ATXN7L3B: variants seen among roughly 807,000 people sequenced by gnomAD.
ATXN7L3B encodes the protein ataxin-7-like protein 3B.
A neutral mutation model predicts 6.3 loss-of-function variants in ATXN7L3B; 4 were observed. The ratio of observed to expected loss-of-function variants is 0.63; its 90% CI spans 0.31 to 1.45. The LOEUF (loss-of-function observed/expected upper bound fraction) is 1.45. Ranked by LOEUF, ATXN7L3B falls within the 40% of genes most tolerant of loss-of-function variation. The pLI, the probability that ATXN7L3B is intolerant of heterozygous loss-of-function variation, is 0.07. For missense variants in ATXN7L3B, 120 were observed against 118.5 expected (o/e 1.01, Z -0.06); for synonymous variants, 63 against 48.0 (o/e 1.31, Z -1.29).
At position 74,538,326 on chromosome 12, in the gene ATXN7L3B, C is replaced by T; in HGVS notation, c.214C>T (p.Leu72Phe). 1 of 1,552,942 alleles carries T rather than the reference C, an allele frequency of 6.4e-7. No homozygotes were observed. Among genetic ancestry groups the T allele is most frequent in the Non-Finnish European group, 8.7e-7 (1 of 1,147,670 alleles). The change falls in exon 1 of 1, where the codon CTC becomes TTC. Residue 72 changes from leucine (L) to phenylalanine (F), a missense_variant. Physicochemically the swap from Leu to Phe is conservative, Grantham distance 22 (BLOSUM62 0). Coordinates refer to ENST00000519948, the MANE Select transcript of ATXN7L3B (RefSeq NM_001136262.2). ...QPVEDKGACR[L>F]PLCSLPGEPG... Reference sequence around the variant, plus strand: ...AGTGGAAGACAAAGGAGCGTGCCGCCTCCCGCTTTGCTCCCTTCCCGGAGA... The same window carrying T: ...AGTGGAAGACAAAGGAGCGTGCCGCTTCCCGCTTTGCTCCCTTCCCGGAGA...
Position 74,537,982 on chromosome 12 carries a change from G to A in ATXN7L3B, c.-131G>A. 1 of 767,242 alleles carries A rather than the reference G, an allele frequency of 1.3e-6. No individual in the cohort carries two copies. The highest frequency in any genetic ancestry group is 2.1e-6 in the Non-Finnish European group (1 of 481,114). The allele number at this position is 767,242 out of a possible 1,614,324, so 47.5% of individuals were successfully genotyped here. A position where few individuals can be genotyped will look rare whatever the true frequency, so the allele number is the denominator to read the frequency against. ...CCCTATCGCTGCTCCTGCAGTTGCG[G>A]ACGCCACCGACCCCGCCGCCGGAGG... is the stretch of plus-strand genomic sequence containing the variant. On this transcript the variant is annotated 5_prime_UTR_variant, in exon 1 of 1. Coordinates refer to ENST00000519948, the MANE Select transcript of ATXN7L3B (RefSeq NM_001136262.2).
rs1294058380 is a variant in ATXN7L3B, at chr12:74,538,546, C to CT, written c.*140_*141insT. 1 of 805,162 alleles carries CT rather than the reference C, an allele frequency of 1.2e-6. No homozygotes were observed. Among genetic ancestry groups the CT allele is most frequent in the East Asian group, 2.7e-5 (1 of 37,322 alleles). 49.9% of individuals were successfully genotyped at this position (805,162 alleles called of 1,614,324 possible). ...CCTTGAAGATCCTAGCATTTAAAAA[C>CT]CCAAAGTGGATAATTTAGGAATCCT... On this transcript the variant is annotated 3_prime_UTR_variant, in exon 1 of 1. Coordinates refer to ENST00000519948, the MANE Select transcript of ATXN7L3B (RefSeq NM_001136262.2).
In ATXN7L3B at chr12:74,537,886, C is replaced by G; in HGVS notation, c.-227C>G. On this transcript the variant is annotated 5_prime_UTR_variant, in exon 1 of 1. Coordinates refer to ENST00000519948, the MANE Select transcript of ATXN7L3B (RefSeq NM_001136262.2). ...GTTTGGCGGTGAGTCCTGGGCCAGG[C>G]GCAGCTGAAAGGCCCGCAACCCGGG... 1 of 555,014 alleles carries G rather than the reference C, an allele frequency of 1.8e-6. No homozygotes were observed. The highest frequency in any genetic ancestry group is 2.1e-5 in the South Asian group (1 of 48,164). 34.4% of individuals were successfully genotyped at this position (555,014 alleles called of 1,614,324 possible).
chr12:74,538,148 C>T lies in ATXN7L3B; in HGVS notation c.36C>T (p.Asn12=), dbSNP rs780471674. The change falls in exon 1 of 1, where the codon AAC becomes AAT. Residue 12 remains asparagine, a synonymous_variant. Coordinates refer to ENST00000519948, the MANE Select transcript of ATXN7L3B (RefSeq NM_001136262.2). ...EEISLANLDT[N]KLEAIAQEIY... ...TTTCGTTGGCCAACCTGGATACTAA[C>T]AAGCTAGAGGCCATCGCTCAGGAGA... is the stretch of plus-strand genomic sequence containing the variant. 1 of 1,573,348 alleles carries T rather than the reference C, an allele frequency of 6.4e-7. No homozygotes were observed. The highest frequency in any genetic ancestry group is 1.2e-5 in the South Asian group (1 of 85,476).
rs1868907460 is a variant in ATXN7L3B, at chr12:74,541,849, T to C, written c.*3443T>C. ...AGGTAAAGTGATTCACAGCAGACGA[T>C]GGTTCTGCCTAATTTTTTTCTCAAT... On this transcript the variant is annotated 3_prime_UTR_variant, in exon 1 of 1. Transcript: ENST00000519948. The C allele has an allele frequency of 6.6e-6, 1 of 152,228 alleles. No individual in the cohort carries two copies. Among genetic ancestry groups the C allele is most frequent in the Admixed American group, 6.5e-5 (1 of 15,282 alleles). 9.4% of individuals were successfully genotyped at this position (152,228 alleles called of 1,614,324 possible).
Position 74,539,228 on chromosome 12 carries a change from A to G in ATXN7L3B, c.*822A>G, listed in dbSNP as rs879845060. 6.0e-6 allele frequency: 1 copy of G among 167,130 alleles called. No homozygotes were observed. Among genetic ancestry groups the G allele is most frequent in the Non-Finnish European group, 1.5e-5 (1 of 68,156 alleles). The allele number at this position is 167,130 out of a possible 1,614,324, so 10.4% of individuals were successfully genotyped here. On this transcript the variant is annotated 3_prime_UTR_variant, in exon 1 of 1. Coordinates refer to ENST00000519948, the MANE Select transcript of ATXN7L3B (RefSeq NM_001136262.2). ...AACTATGCATGATTTCTCAAACTTC[A>G]AGATTCATGTCTGGATGTATTATGC...
rs1303034769 is a variant in ATXN7L3B, at chr12:74,545,207, A to G, written c.*6801A>G. 1.3e-5 allele frequency: 2 copies of G among 152,102 alleles called. No homozygotes were observed. The allele number at this position is 152,102 out of a possible 1,614,324, so 9.4% of individuals were successfully genotyped here. On this transcript the variant is annotated 3_prime_UTR_variant, in exon 1 of 1. Coordinates refer to ENST00000519948, the MANE Select transcript of ATXN7L3B (RefSeq NM_001136262.2). ...ATATCCCAATATTTCCACCTGTTGCAGCATTATATGTAATAGGGAAAAATT... is the reference window on the plus strand; with the variant it reads ...ATATCCCAATATTTCCACCTGTTGCGGCATTATATGTAATAGGGAAAAATT...
At position 74,537,910 on chromosome 12, in the gene ATXN7L3B, G is replaced by A. The variant is rs1306799810; in HGVS notation, c.-203G>A. 5.1e-6 allele frequency: 3 copies of A among 591,914 alleles called. No individual in the cohort carries two copies. Among genetic ancestry groups the A allele is most frequent in the East Asian group, 2.8e-5 (1 of 35,178 alleles). The allele number at this position is 591,914 out of a possible 1,614,324, so 36.7% of individuals were successfully genotyped here. ...GCGCAGCTGAAAGGCCCGCAACCCG[G>A]GAAACGTCAAAACAAACAGAAGGAC... On this transcript the variant is annotated 5_prime_UTR_variant, in exon 1 of 1. Coordinates refer to ENST00000519948, the MANE Select transcript of ATXN7L3B (RefSeq NM_001136262.2).
Position 74,542,467 on chromosome 12 carries a change from T to A in ATXN7L3B, c.*4061T>A, listed in dbSNP as rs1361490541. ...TATATTTAGTGCTAAGCTAATTAGT[T>A]TTCTAAAAAGATAATTGCAAGACCC... On this transcript the variant is annotated 3_prime_UTR_variant, in exon 1 of 1. Coordinates refer to ENST00000519948, the MANE Select transcript of ATXN7L3B (RefSeq NM_001136262.2). 1 of 152,178 alleles carries A rather than the reference T, an allele frequency of 6.6e-6. No homozygotes were observed. Among genetic ancestry groups the A allele is most frequent in the Non-Finnish European group, 1.5e-5 (1 of 68,018 alleles). The allele number at this position is 152,178 out of a possible 1,614,324, so 9.4% of individuals were successfully genotyped here.
chr12:74,538,145 T>C lies in ATXN7L3B; in HGVS notation c.33T>C (p.Thr11=), dbSNP rs750854810. 1 of 1,571,100 alleles carries C rather than the reference T, an allele frequency of 6.4e-7. No homozygotes were observed. Among genetic ancestry groups the C allele is most frequent in the Non-Finnish European group, 8.6e-7 (1 of 1,158,198 alleles). ...AAATTTCGTTGGCCAACCTGGATAC[T>C]AACAAGCTAGAGGCCATCGCTCAGG... The part of the protein sequence containing the change: MEEISLANLD[T]NKLEAIAQEI... Residue 11 remains threonine, a synonymous_variant, in exon 1 of 1, where the codon ACT becomes ACC. Coordinates refer to ENST00000519948, the MANE Select transcript of ATXN7L3B (RefSeq NM_001136262.2).
At position 74,537,984 on chromosome 12, in the gene ATXN7L3B, C is replaced by G. The variant is rs1414833672; in HGVS notation, c.-129C>G. On this transcript the variant is annotated 5_prime_UTR_variant, in exon 1 of 1. Transcript: ENST00000519948. ...CTATCGCTGCTCCTGCAGTTGCGGA[C>G]GCCACCGACCCCGCCGCCGGAGGAC... is the stretch of plus-strand genomic sequence containing the variant. 1.7e-5 allele frequency: 13 copies of G among 787,744 alleles called. No homozygotes were observed. The highest frequency in any genetic ancestry group is 2.6e-5 in the Non-Finnish European group (13 of 499,738). 48.8% of individuals were successfully genotyped at this position (787,744 alleles called of 1,614,324 possible).
In ATXN7L3B at chr12:74,544,930, C is replaced by G. The variant is rs1868986289; in HGVS notation, c.*6524C>G. ...GTATAAAGTAAAAGAACAGCTCATT[C>G]TTACAAAAAGAAATATGAATGGCCA... On this transcript the variant is annotated 3_prime_UTR_variant, in exon 1 of 1. Coordinates refer to ENST00000519948, the MANE Select transcript of ATXN7L3B (RefSeq NM_001136262.2). 6.6e-6 allele frequency: 1 copy of G among 151,986 alleles called. No individual in the cohort carries two copies. The highest frequency in any genetic ancestry group is 2.4e-5 in the African/African-American group (1 of 41,426). The allele number at this position is 151,986 out of a possible 1,614,324, so 9.4% of individuals were successfully genotyped here. A position where few individuals can be genotyped will look rare whatever the true frequency, so the allele number is the denominator to read the frequency against.
Position 74,542,555 on chromosome 12 carries a change from A to G in ATXN7L3B, c.*4149A>G, listed in dbSNP as rs895058713. 3 of 100,246 alleles carry G rather than the reference A, an allele frequency of 3.0e-5. No homozygotes were observed. Among genetic ancestry groups the G allele is most frequent in the Non-Finnish European group, 4.5e-5 (2 of 44,572 alleles). 6.2% of individuals were successfully genotyped at this position (100,246 alleles called of 1,614,324 possible). A position where few individuals can be genotyped will look rare whatever the true frequency, so the allele number is the denominator to read the frequency against. Reference sequence around the variant, plus strand: ...TTATTTCTTATGTTTTCTGACTAGTATGATCTTTAAAGAAAAAAAAAAACA... The same window carrying G: ...TTATTTCTTATGTTTTCTGACTAGTGTGATCTTTAAAGAAAAAAAAAAACA... On this transcript the variant is annotated 3_prime_UTR_variant, in exon 1 of 1. Coordinates refer to ENST00000519948, the MANE Select transcript of ATXN7L3B (RefSeq NM_001136262.2).
rs927238069 is a variant in ATXN7L3B at position 74,543,003 on chromosome 12, T to A, written c.*4597T>A. The A allele has an allele frequency of 6.6e-6, 1 of 152,134 alleles. No homozygotes were observed. The highest frequency in any genetic ancestry group is 1.5e-5 in the Non-Finnish European group (1 of 68,000). The allele number at this position is 152,134 out of a possible 1,614,324, so 9.4% of individuals were successfully genotyped here. A position where few individuals can be genotyped will look rare whatever the true frequency, so the allele number is the denominator to read the frequency against. On this transcript the variant is annotated 3_prime_UTR_variant, in exon 1 of 1. Transcript: ENST00000519948. The stretch of plus-strand genomic sequence containing the variant: ...CGAGCTCTCTGATTTTCATTTATGT[T>A]CCAAAAGATGCCCATAATGTTGCTT...
rs1868946603 is a variant in ATXN7L3B, at chr12:74,543,432, G to A, written c.*5026G>A. The A allele has an allele frequency of 6.6e-6, 1 of 151,934 alleles. No homozygotes were observed. Among genetic ancestry groups the A allele is most frequent in the Non-Finnish European group, 1.5e-5 (1 of 67,886 alleles). 9.4% of individuals were successfully genotyped at this position (151,934 alleles called of 1,614,324 possible). ...GGCAATGAATTTGAAAACAAAAAAA[G>A]GGAAGTCTATTTTAAAATAGAACTC... On this transcript the variant is annotated 3_prime_UTR_variant, in exon 1 of 1. Coordinates refer to ENST00000519948, the MANE Select transcript of ATXN7L3B (RefSeq NM_001136262.2).
chr12:74,543,219 A>G lies in ATXN7L3B; in HGVS notation c.*4813A>G, dbSNP rs1030023781. On this transcript the variant is annotated 3_prime_UTR_variant, in exon 1 of 1. Transcript: ENST00000519948. Reference sequence around the variant, plus strand: ...AAATTGATTTTAGAGATGAAAAAAAAATCTTCAGCAGCAGTGACTTGCCCA... The same window carrying G: ...AAATTGATTTTAGAGATGAAAAAAAGATCTTCAGCAGCAGTGACTTGCCCA... The G allele has an allele frequency of 6.6e-6, 1 of 152,094 alleles. No individual in the cohort carries two copies. The highest frequency in any genetic ancestry group is 2.4e-5 in the African/African-American group (1 of 41,436). 9.4% of individuals were successfully genotyped at this position (152,094 alleles called of 1,614,324 possible).
rs1868972011 is a variant in ATXN7L3B at position 74,544,361 on chromosome 12, T to A, written c.*5955T>A. 6.6e-6 allele frequency: 1 copy of A among 152,034 alleles called. No homozygotes were observed. The highest frequency in any genetic ancestry group is 2.4e-5 in the African/African-American group (1 of 41,454). The allele number at this position is 152,034 out of a possible 1,614,324, so 9.4% of individuals were successfully genotyped here. On this transcript the variant is annotated 3_prime_UTR_variant, in exon 1 of 1. Transcript: ENST00000519948. ...ATCTGTATTACAATCCAAATAGATG[T>A]GCTCATGGAACTTGACAAATTAATT...
rs1592596805 is a variant in ATXN7L3B, at chr12:74,542,213, G to A, written c.*3807G>A. 6.6e-6 allele frequency: 1 copy of A among 152,290 alleles called. No homozygotes were observed. The highest frequency in any genetic ancestry group is 1.9e-4 in the East Asian group (1 of 5,184). 9.4% of individuals were successfully genotyped at this position (152,290 alleles called of 1,614,324 possible). A position where few individuals can be genotyped will look rare whatever the true frequency, so the allele number is the denominator to read the frequency against. On this transcript the variant is annotated 3_prime_UTR_variant, in exon 1 of 1. Coordinates refer to ENST00000519948, the MANE Select transcript of ATXN7L3B (RefSeq NM_001136262.2). ...CACTGTCCAGTTTAAATAGGCCAGG[G>A]CCAACGTGGTGATTTGAGAAAACTT...
rs543078889 is a variant in ATXN7L3B, at chr12:74,538,455, C to T, written c.*49C>T. The T allele has an allele frequency of 4.0e-5, 59 of 1,478,010 alleles. No individual in the cohort carries two copies. The highest frequency in any genetic ancestry group is 5.3e-5 in the Non-Finnish European group (58 of 1,101,496). 91.6% of individuals were successfully genotyped at this position (1,478,010 alleles called of 1,614,324 possible). On this transcript the variant is annotated 3_prime_UTR_variant, in exon 1 of 1. Transcript: ENST00000519948. ...GGCCAGGACAATAACATAGACTGGT[C>T]CTGTGGCTTCGAGGAGTAAGCTAAG... is the stretch of plus-strand genomic sequence containing the variant.
Sources: allele counts gnomAD v4.1 joint callset, GRCh38; gene constraint gnomAD v4.1.1; transcripts MANE v1.5; gene names NCBI Gene and HGNC (gene_info 2026-07-23, HGNC 2026-07-21).